The following RGS10 variants were observed in gnomAD, a reference collection of about 807,000 sequenced individuals.
The protein encoded by RGS10 is regulator of G-protein signalling 10.
RGS10 carries 11 observed loss-of-function variants against 23.5 expected under a neutral mutation model. That is an observed-to-expected ratio of 0.47 (90% CI 0.29 to 0.77). The LOEUF (loss-of-function observed/expected upper bound fraction) is 0.77. Among genes scored for constraint, RGS10 ranks in the 30% least tolerant of loss-of-function variants. The pLI is 0.08. For missense variants in RGS10, 180 were observed against 226.3 expected (o/e 0.80, Z 1.31); for synonymous variants, 77 against 83.2 (o/e 0.92, Z 0.41).
intron 1 of RGS10, among the ~76,000 whole-genome samples, chr10:119,534,071 A>G (rs1844358616): frequency 6.6e-6 from 1 of 150,520 alleles, no homozygotes; most frequent in Non-Finnish European, 1.5e-5. Context: ...CCTGGGCAAC[A>G]TGGCAAAACC....
chr10:119,536,570 C>A, intron 1 of RGS10: 1 of 1,522,592 alleles, frequency 6.6e-7, no homozygotes, highest in Non-Finnish European at 8.9e-7. Context: ...GGCTCCCGAG[C>A]ACCCTTGGGT....
At chr10:119,539,959 CA>C (rs5788358) in intron 1 of RGS10, among the ~76,000 whole-genome samples, 127,047 of 143,518 alleles carry the variant, frequency 0.89, 56,826 homozygotes, top group Non-Finnish European at 0.96. Flanking sequence ...TTCAAAATTA[CA>C]AAAAAAAAAA....
chr10:119,500,165 A>G lies in RGS10; in HGVS notation c.494T>C (p.Leu165Ser), dbSNP rs1242930292. 6.2e-7 allele frequency: 1 copy of G among 1,614,078 alleles called. No homozygotes were observed. The highest frequency in any genetic ancestry group is 1.7e-5 in the Admixed American group (1 of 60,018). The change falls in exon 5 of 5, where the codon TTG (leucine) becomes TCG (serine). Residue 165 changes from leucine to serine, a missense_variant. By Grantham distance (145) the Leu-to-Ser change is moderately radical. Transcript: ENST00000369103. ...HKRTEEEEEDLPDAQTAAKRA... is the reference protein window; with the variant it reads ...HKRTEEEEEDSPDAQTAAKRA... ...TTTAGCTGCAGTTTGAGCATCAGGC[A>G]AATCTTCTTCCTCTTCCTCGGTTCG...
chr10:119,534,084 G>A (rs1450107939), intron 1 of RGS10, among the ~76,000 whole-genome samples: 7 of 150,510 alleles, frequency 4.7e-5, no homozygotes, highest in African/African-American at 1.2e-4. Flanking sequence ...GCAAAACCAC[G>A]TCTCTACAAA....
Position 119,500,041 on chromosome 10 carries a change from G to T in RGS10, c.*72C>A. 6.6e-7 allele frequency: 1 copy of T among 1,505,042 alleles called. No homozygotes were observed. Among genetic ancestry groups the T allele is most frequent in the Non-Finnish European group, 9.0e-7 (1 of 1,109,444 alleles). The allele number at this position is 1,505,042 out of a possible 1,614,324, so 93.2% of individuals were successfully genotyped here. A position where few individuals can be genotyped will look rare whatever the true frequency, so the allele number is the denominator to read the frequency against. ...CAGTCCTTACAAATAACAAAGCAAT[G>T]ATAAACCCGGCACGGTCCTGAGAGG... is the stretch of plus-strand genomic sequence containing the variant. On this transcript the variant is annotated 3_prime_UTR_variant, in exon 5 of 5. Coordinates refer to ENST00000369103, the MANE Select transcript of RGS10 (RefSeq NM_001005339.2).
intron 2 of RGS10, 40 bp from the exon 3 acceptor site, chr10:119,526,158 T>C (rs371881883): frequency 4.9e-5 from 54 of 1,103,634 alleles, no homozygotes; most frequent in Non-Finnish European, 6.9e-5. Flanking sequence ...GTATTCTACT[T>C]TAAAAAAAAA....
In RGS10 at chr10:119,527,282, C is replaced by T. The variant is rs778164023; in HGVS notation, c.168+24G>A. On this transcript the variant is annotated intron_variant, in intron 2 of 4. Transcript: ENST00000369103. This position sits in a 1 kb window ranked among gnomAD's most constrained non-coding sequence, Gnocchi z 4.2. ...ACTTCTGCACACACTGCATCCATCCCGATTAACAATGAAAAAGACAAACCC... is the reference window on the plus strand; with the variant it reads ...ACTTCTGCACACACTGCATCCATCCTGATTAACAATGAAAAAGACAAACCC... 1.1e-5 allele frequency: 17 copies of T among 1,555,186 alleles called. No homozygotes were observed. Among genetic ancestry groups the T allele is most frequent in the South Asian group, 5.6e-5 (5 of 89,366 alleles).
intron 4 of RGS10, among the ~76,000 whole-genome samples, chr10:119,514,999 A>G (rs901702629): frequency 2.0e-5 from 3 of 152,208 alleles, no homozygotes; most frequent in Admixed American, 1.3e-4. Flanking sequence ...CAGAATTCAC[A>G]TGGAATATGC....
chr10:119,504,297 C>T (rs542495819), intron 4 of RGS10, among the ~76,000 whole-genome samples: 3 of 152,192 alleles, frequency 2.0e-5, no homozygotes, highest in Non-Finnish European at 4.4e-5. Context: ...TCAAGCGATT[C>T]TCCTGCTTCT....
chr10:119,507,094 C>T (rs1418773306), intron 4 of RGS10, among the ~76,000 whole-genome samples: 5 of 152,180 alleles, frequency 3.3e-5, no homozygotes, highest in South Asian at 4.1e-4. Flanking sequence ...CTACGGTGTA[C>T]ACAGACAGCC....
chr10:119,537,937 G>A (rs918342288), intron 1 of RGS10, among the ~76,000 whole-genome samples: 2 of 152,180 alleles, frequency 1.3e-5, no homozygotes, highest in African/African-American at 2.4e-5. Flanking sequence ...TGTCCCTCAG[G>A]TGCCCAGTGT....
At chr10:119,512,259 G>C (rs1316106000) in intron 4 of RGS10, among the ~76,000 whole-genome samples, 1 of 152,120 alleles carries the variant, frequency 6.6e-6, no homozygotes, top group Non-Finnish European at 1.5e-5. Context: ...TGAAAGTTCC[G>C]TGAAATCTTG....
At chr10:119,512,015 G>A (rs547157356) in intron 4 of RGS10, among the ~76,000 whole-genome samples, 2 of 152,362 alleles carry the variant, frequency 1.3e-5, no homozygotes, top group Admixed American at 6.5e-5. Flanking sequence ...GTGCATGGGA[G>A]TTGGCTCATC....
chr10:119,501,440 G>T (rs979315080), intron 4 of RGS10, among the ~76,000 whole-genome samples: 5 of 152,164 alleles, frequency 3.3e-5, no homozygotes, highest in Admixed American at 2.0e-4. Flanking sequence ...ACATCTGAGG[G>T]TGCTGGGGGC....
At position 119,515,609 on chromosome 10, in the gene RGS10, C is replaced by G. The variant is rs539782612; in HGVS notation, c.299G>C (p.Ser100Thr). 1 of 1,614,060 alleles carries G rather than the reference C, an allele frequency of 6.2e-7. No homozygotes were observed. Among genetic ancestry groups the G allele is most frequent in the African/African-American group, 1.3e-5 (1 of 74,932 alleles). ...CACGTTGACCTGTGATGAGGCCTTG[C>G]TGGACAGAAAGGTCATGTAGATCTC... ...AKEIYMTFLS[S>T]KASSQVNVEG... The change falls in exon 4 of 5, where the codon AGC becomes ACC. Residue 100 changes from serine (S) to threonine (T), a missense_variant. Coordinates refer to ENST00000369103, the MANE Select transcript of RGS10 (RefSeq NM_001005339.2).
chr10:119,504,149 C>T (rs947301146), intron 4 of RGS10, among the ~76,000 whole-genome samples: 1 of 152,180 alleles, frequency 6.6e-6, no homozygotes, highest in Non-Finnish European at 1.5e-5. Context: ...AAAAACACAC[C>T]CTATCTAAAA....
intron 4 of RGS10, among the ~76,000 whole-genome samples, chr10:119,505,907 A>G (rs1232323159): frequency 1.3e-5 from 2 of 152,250 alleles, no homozygotes; most frequent in African/African-American, 4.8e-5. Context: ...CACAGGAGGA[A>G]AAAAATCATT....
At chr10:119,514,306 G>A (rs1054594467) in intron 4 of RGS10, among the ~76,000 whole-genome samples, 2 of 151,876 alleles carry the variant, frequency 1.3e-5, no homozygotes, top group Non-Finnish European at 2.9e-5. Context: ...GCAGTGAGCC[G>A]AGATCGAGCC....
intron 4 of RGS10, among the ~76,000 whole-genome samples, chr10:119,512,152 G>C (rs201050146): frequency 0.061 from 9,336 of 152,218 alleles, 355 homozygotes; most frequent in African/African-American, 0.094. Flanking sequence ...GGCTAAGTTC[G>C]GGGGCGGCGG....
Sources: allele counts gnomAD v4.1 joint callset (sites outside exome capture counted in the v4.1 genomes callset), GRCh38; gene constraint gnomAD v4.1.1; non-coding constraint Gnocchi (gnomAD v3.1); transcripts MANE v1.5; gene names NCBI Gene and HGNC (gene_info 2026-07-23, HGNC 2026-07-21).